Variants in DYNC1I1 observed in about 807,000 individuals in gnomAD.
The protein encoded by DYNC1I1 is dynein cytoplasmic 1 intermediate chain 1, also known as cytoplasmic dynein 1 intermediate chain 1.
In DYNC1I1, 43 loss-of-function variants were observed where a neutral mutation model predicts 86.6. That is an observed-to-expected ratio of 0.50 (90% CI 0.39 to 0.64). DYNC1I1 has a LOEUF of 0.64. DYNC1I1 is among the 30% of genes least tolerant of loss of function. DYNC1I1 has a pLI of 0.00. For missense variants in DYNC1I1, 604 were observed against 788.8 expected (o/e 0.77, Z 2.81); for synonymous variants, 262 against 283.7 (o/e 0.92, Z 0.77).
intron 6 of DYNC1I1, among the ~76,000 whole-genome samples, chr7:95,951,610 A>C (rs562644675): frequency 2.6e-5 from 4 of 152,212 alleles, no homozygotes. Context: ...CTATGGCACT[A>C]TCTGAAACTT....
intron 6 of DYNC1I1, among the ~76,000 whole-genome samples, chr7:95,952,187 T>C (rs1562954148): frequency 6.6e-6 from 1 of 152,176 alleles, no homozygotes; most frequent in Non-Finnish European, 1.5e-5. Flanking sequence ...TGCTTTCTTA[T>C]TCTGTCTGTT....
Position 95,949,944 on chromosome 7 carries a change from G to C in DYNC1I1, c.491-27568G>C, listed in dbSNP as rs1206915630. Among the ~76,000 whole-genome samples the C allele has an allele frequency of 3.3e-5, 5 of 149,968 alleles. No individual in the cohort carries two copies. The East Asian group carries it at 1.0e-3, about 30-fold the overall frequency. On this transcript the variant is annotated intron_variant, in intron 6 of 16. Coordinates refer to ENST00000447467, the MANE Select transcript of DYNC1I1 (RefSeq NM_001135556.2). ...AGCATTGATAAAGGGCCTTAGGCTA[G>C]TTTTAGTTTTCCATTAATCTCTCAT...
chr7:95,900,045 A>G (rs1790996526), intron 6 of DYNC1I1, among the ~76,000 whole-genome samples: 1 of 152,124 alleles, frequency 6.6e-6, no homozygotes, highest in Non-Finnish European at 1.5e-5. Flanking sequence ...TGCCCTGACG[A>G]TGACCCAGAA....
intron 4 of DYNC1I1, among the ~76,000 whole-genome samples, chr7:95,821,028 G>A (rs1487812631): frequency 1.3e-5 from 2 of 152,248 alleles, no homozygotes; most frequent in Non-Finnish European, 2.9e-5. Context: ...GATTTAGGGA[G>A]ACATGCCCTG....
intron 9 of DYNC1I1, among the ~76,000 whole-genome samples, chr7:95,988,203 C>T (rs143218634): frequency 0.1 from 15,888 of 152,032 alleles, 1,783 homozygotes; most frequent in East Asian, 0.6. Flanking sequence ...ATGGTGAAAC[C>T]CCTTCTCTAC....
At chr7:95,868,863 G>T (rs1048551915) in intron 5 of DYNC1I1, among the ~76,000 whole-genome samples, 1 of 152,250 alleles carries the variant, frequency 6.6e-6, no homozygotes, top group South Asian at 2.1e-4. Context: ...TGAGACACAC[G>T]CTGGTAAATG....
At chr7:95,908,444 A>T (rs1791233806) in intron 6 of DYNC1I1, among the ~76,000 whole-genome samples, 1 of 152,196 alleles carries the variant, frequency 6.6e-6, no homozygotes, top group Non-Finnish European at 1.5e-5. Flanking sequence ...TTTTGAGGAA[A>T]ATAATGCAGC....
At chr7:96,100,103 T>A (rs1791105270), downstream of DYNC1I1, among the ~76,000 whole-genome samples, 1 of 152,206 alleles carries the variant, frequency 6.6e-6, no homozygotes, top group Admixed American at 6.5e-5. Flanking sequence ...GATGCCTTGC[T>A]TTGAAACCCA....
At chr7:95,900,307 C>G (rs1463312094) in intron 6 of DYNC1I1, among the ~76,000 whole-genome samples, 1 of 152,150 alleles carries the variant, frequency 6.6e-6, no homozygotes, top group Non-Finnish European at 1.5e-5. Context: ...TGCAAAACAA[C>G]CCATACAAGA....
chr7:95,905,273 A>G lies in DYNC1I1; in HGVS notation c.490+35275A>G, dbSNP rs4141384. ...AATAGCAGTAGTTTCAGAGTGGATG[A>G]AGTAAAGAGGTTCCCATGTTGCGTG... On this transcript the variant is annotated intron_variant, in intron 6 of 16. Transcript: ENST00000447467. Among the ~76,000 whole-genome samples, 38 of 152,296 alleles carry G rather than the reference A, an allele frequency of 2.5e-4. No individual in the cohort carries two copies. The East Asian group carries it at 3.9e-3, about 15-fold the overall frequency.
chr7:96,064,576 G>A (rs546374561), intron 14 of DYNC1I1, among the ~76,000 whole-genome samples: 10 of 152,234 alleles, frequency 6.6e-5, no homozygotes, highest in African/African-American at 2.2e-4. Flanking sequence ...ACATCTCAAG[G>A]TACCAAAGTG....
At chr7:95,991,969 C>T (rs757470956) in intron 9 of DYNC1I1, among the ~76,000 whole-genome samples, 1 of 152,098 alleles carries the variant, frequency 6.6e-6, no homozygotes, top group East Asian at 1.9e-4. Context: ...CAAGCGTTCT[C>T]GTGCCTCCCC....
intron 7 of DYNC1I1, among the ~76,000 whole-genome samples, chr7:95,978,011 C>T (rs1028657357): frequency 2.0e-5 from 3 of 152,112 alleles, no homozygotes; most frequent in Admixed American, 1.3e-4. Flanking sequence ...TAGTGATCAA[C>T]GCTAGTAACT....
At chr7:96,012,848 G>A (rs1281047904) in intron 10 of DYNC1I1, among the ~76,000 whole-genome samples, 1 of 152,110 alleles carries the variant, frequency 6.6e-6, no homozygotes, top group Admixed American at 6.6e-5. Context: ...AGTGGCAAAA[G>A]GGACTTTGCA....
chr7:96,072,669 G>A (rs1025308727), intron 14 of DYNC1I1, among the ~76,000 whole-genome samples: 34 of 152,044 alleles, frequency 2.2e-4, no homozygotes, highest in African/African-American at 8.2e-4. Flanking sequence ...TAAAATGAGT[G>A]GTAAAGCACA....
chr7:95,884,558 A>G (rs1031081590), intron 6 of DYNC1I1, among the ~76,000 whole-genome samples: 20 of 152,094 alleles, frequency 1.3e-4, no homozygotes, highest in African/African-American at 4.3e-4. Context: ...GTCATGAGAA[A>G]CTCAGGCTGT....
intron 16 of DYNC1I1, among the ~76,000 whole-genome samples, chr7:96,095,685 G>A (rs1027858074): frequency 6.6e-6 from 1 of 152,044 alleles, no homozygotes; most frequent in Non-Finnish European, 1.5e-5. Flanking sequence ...CTTGCTCAGC[G>A]GTTGGAAGAA....
At chr7:96,069,146 G>A (rs568366003) in intron 14 of DYNC1I1, among the ~76,000 whole-genome samples, 1 of 152,116 alleles carries the variant, frequency 6.6e-6, no homozygotes, top group African/African-American at 2.4e-5. Flanking sequence ...TCCTAATAAA[G>A]TCTCTAATCA....
intron 6 of DYNC1I1, among the ~76,000 whole-genome samples, chr7:95,954,749 T>C (rs1234362527): frequency 1.3e-5 from 2 of 151,370 alleles, no homozygotes; most frequent in South Asian, 4.2e-4. Flanking sequence ...CCATCTCTAC[T>C]AAAAAAATAC....
Sources: allele counts gnomAD v4.1 joint callset (sites outside exome capture counted in the v4.1 genomes callset), GRCh38; gene constraint gnomAD v4.1.1; transcripts MANE v1.5; gene names NCBI Gene and HGNC (gene_info 2026-07-23, HGNC 2026-07-21).